Variants in HHAT observed in about 807,000 individuals in gnomAD.
HHAT encodes protein-cysteine N-palmitoyltransferase HHAT.
Under a neutral mutation model 70.8 loss-of-function variants are expected in HHAT, and 47 were observed. The observed-to-expected ratio is 0.66, with a 90% CI of 0.53 to 0.85. HHAT has a LOEUF of 0.85. Ranked by LOEUF, HHAT falls within the 40% of genes least tolerant of loss-of-function variation. The probability of loss-of-function intolerance (pLI) is 0.00; values close to 1 mark genes in which losing one functional copy is unlikely to be tolerated. For synonymous variants in HHAT, 228 were observed against 247.6 expected (o/e 0.92, Z 0.74); for missense variants, 609 against 604.8 (o/e 1.01, Z -0.07).
Position 210,656,204 on chromosome 1 carries a change from A to G in HHAT, c.1391-18084A>G, listed in dbSNP as rs577922965. On this transcript the variant is annotated intron_variant, in intron 11 of 11. Transcript: ENST00000261458. Reference sequence around the variant, plus strand: ...CCAGGTGACCTCATGGTCTTTTTCTAGGCTACACTTTTATTTATCTTCATG... The same window carrying G: ...CCAGGTGACCTCATGGTCTTTTTCTGGGCTACACTTTTATTTATCTTCATG... Among the ~76,000 whole-genome samples the G allele has an allele frequency of 3.7e-3, 563 of 151,842 alleles. 2 individuals are homozygous for G. The highest frequency in any genetic ancestry group is 5.8e-3 in the Non-Finnish European group (394 of 67,780).
chr1:210,436,141 G>A (rs1188666920), intron 7 of HHAT, among the ~76,000 whole-genome samples: 1 of 151,752 alleles, frequency 6.6e-6, no homozygotes, highest in African/African-American at 2.4e-5. Flanking sequence ...TTTGTATATG[G>A]TGAGAGATAG....
intron 8 of HHAT, among the ~76,000 whole-genome samples, chr1:210,512,172 G>A (rs2094966275): frequency 6.6e-6 from 1 of 152,166 alleles, no homozygotes; most frequent in Admixed American, 6.5e-5. Context: ...TCCCCAGCTA[G>A]CGCATGGAGT....
chr1:210,619,154 G>A (rs74983167), intron 10 of HHAT, among the ~76,000 whole-genome samples: 2,038 of 152,114 alleles, frequency 0.013, 45 homozygotes, highest in African/African-American at 0.047. Flanking sequence ...CTGAAGAGTG[G>A]GTATATTCAC....
Position 210,633,655 on chromosome 1 carries a change from A to T in HHAT, c.1390+9985A>T, listed in dbSNP as rs988652732. ...CTTCTGCCCTTCTCTAACCCCTGAC[A>T]TTGATTACACAGGAAGCAGCAGATA... On this transcript the variant is annotated intron_variant, in intron 11 of 11. Transcript: ENST00000261458. 2.0e-5 allele frequency among the ~76,000 whole-genome samples: 3 copies of T among 152,292 alleles called. No homozygotes were observed. The South Asian group carries it at 6.2e-4, about 32-fold the overall frequency.
chr1:210,660,964 C>T (rs1183665623), intron 11 of HHAT, among the ~76,000 whole-genome samples: 1 of 152,114 alleles, frequency 6.6e-6, no homozygotes, highest in African/African-American at 2.4e-5. Context: ...TTAAAAAACC[C>T]TAGAAGAAAA....
intron 9 of HHAT, among the ~76,000 whole-genome samples, chr1:210,536,966 G>A (rs2095379260): frequency 6.6e-6 from 1 of 151,982 alleles, no homozygotes; most frequent in Non-Finnish European, 1.5e-5. Context: ...ATTGCACTTG[G>A]TTGAAACCAC....
At chr1:210,430,131 A>G (rs2093200304) in intron 7 of HHAT, among the ~76,000 whole-genome samples, 1 of 151,880 alleles carries the variant, frequency 6.6e-6, no homozygotes, top group African/African-American at 2.4e-5. Flanking sequence ...TCAATGTAGT[A>G]ATTTTCCTTT....
intron 10 of HHAT, among the ~76,000 whole-genome samples, chr1:210,594,907 A>T (rs935511599): frequency 2.0e-5 from 3 of 151,854 alleles, no homozygotes; most frequent in Non-Finnish European, 4.4e-5. Flanking sequence ...CTTCTGCCAG[A>T]TGTGTTGGAG....
At chr1:210,425,631 G>A (rs2093040445) in intron 7 of HHAT, among the ~76,000 whole-genome samples, 1 of 152,080 alleles carries the variant, frequency 6.6e-6, no homozygotes, top group South Asian at 2.1e-4. Context: ...TGCCAGGTGT[G>A]TTGAAGTTCA....
At chr1:210,577,866 G>A (rs1658256386) in intron 9 of HHAT, among the ~76,000 whole-genome samples, 1 of 151,848 alleles carries the variant, frequency 6.6e-6, no homozygotes, top group Non-Finnish European at 1.5e-5. Context: ...GGCTGGTCTT[G>A]AACTCCTGAC....
chr1:210,466,078 T>C (rs562741560), intron 8 of HHAT, among the ~76,000 whole-genome samples: 2,098 of 147,466 alleles, frequency 0.014, 18 homozygotes, highest in Non-Finnish European at 0.02. Flanking sequence ...TGCAAGGAAT[T>C]GCAAGGAATG....
At chr1:210,663,163 G>A (rs2053943408) in intron 11 of HHAT, among the ~76,000 whole-genome samples, 1 of 152,152 alleles carries the variant, frequency 6.6e-6, no homozygotes, top group Non-Finnish European at 1.5e-5. Context: ...AAGGATATAA[G>A]CGTGCTCATC....
intron 4 of HHAT, among the ~76,000 whole-genome samples, chr1:210,398,581 T>G (rs1220679710): frequency 6.6e-6 from 1 of 152,204 alleles, no homozygotes; most frequent in Middle Eastern, 3.2e-3. Context: ...TTGAAGCAGC[T>G]TCAGTCTGTG....
At chr1:210,389,294 G>A (rs1023864487) in intron 4 of HHAT, among the ~76,000 whole-genome samples, 2 of 152,220 alleles carry the variant, frequency 1.3e-5, no homozygotes, top group African/African-American at 4.8e-5. Flanking sequence ...GGGCCTTCTT[G>A]CTGACATCGC....
chr1:210,563,321 G>T (rs1456843469), intron 9 of HHAT, among the ~76,000 whole-genome samples: 1 of 152,200 alleles, frequency 6.6e-6, no homozygotes, highest in African/African-American at 2.4e-5. Context: ...AGAAATAGCA[G>T]AAAAGATCAT....
At chr1:210,404,289 A>T (rs1054577833) in intron 5 of HHAT, among the ~76,000 whole-genome samples, 175 bp from the exon 6 acceptor site, 3 of 152,146 alleles carry the variant, frequency 2.0e-5, no homozygotes, top group Non-Finnish European at 2.9e-5. Flanking sequence ...CCTGGTGTTC[A>T]TTGGTTCTCG....
At chr1:210,399,479 C>T (rs2091959464) in intron 4 of HHAT, among the ~76,000 whole-genome samples, 1 of 152,074 alleles carries the variant, frequency 6.6e-6, no homozygotes. Flanking sequence ...GTCTTGAACT[C>T]CTGACCTCAG....
chr1:210,623,696 C>T, intron 11 of HHAT, 26 bp downstream of exon 11: 1 of 1,606,874 alleles, frequency 6.2e-7, no homozygotes, highest in Non-Finnish European at 8.5e-7. Context: ...GTGCTGTTTT[C>T]AGTCAGTTTC....
At chr1:210,514,838 A>G (rs1292696844) in intron 9 of HHAT, among the ~76,000 whole-genome samples, 3 of 152,186 alleles carry the variant, frequency 2.0e-5, no homozygotes, top group Admixed American at 6.5e-5. Flanking sequence ...ATTTGATTTG[A>G]AGCTTTCCAT....
Sources: allele counts gnomAD v4.1 joint callset (sites outside exome capture counted in the v4.1 genomes callset), GRCh38; gene constraint gnomAD v4.1.1; transcripts MANE v1.5; gene names NCBI Gene and HGNC (gene_info 2026-07-23, HGNC 2026-07-21).